Variants in DRD3 observed in about 807,000 individuals in gnomAD.
DRD3 encodes D(3) dopamine receptor.
In DRD3, 19 loss-of-function variants were observed where a neutral mutation model predicts 36.3. The ratio of observed to expected loss-of-function variants is 0.52; its 90% CI spans 0.36 to 0.77. The LOEUF (loss-of-function observed/expected upper bound fraction) is 0.77, where lower values mean the gene tolerates loss of function less well. DRD3 is among the 30% of genes least tolerant of loss of function. The probability of loss-of-function intolerance (pLI) is 0.00; values close to 1 mark genes in which losing one functional copy is unlikely to be tolerated. For missense variants in DRD3, 465 were observed against 505.3 expected (o/e 0.92, Z 0.77); for synonymous variants, 195 against 203.7 (o/e 0.96, Z 0.36).
chr3:114,171,817 G>T lies in DRD3; in HGVS notation c.176C>A (p.Ala59Asp). 6.2e-7 allele frequency: 1 copy of T among 1,614,074 alleles called. No homozygotes were observed. Among genetic ancestry groups the T allele is most frequent in the Non-Finnish European group, 8.5e-7 (1 of 1,179,962 alleles). ...TAAGTAGTTGGTGGTAGTCTGCAGG[G>T]CCCGCTCCTTCAGCACAGCCATGCA... ...LVCMAVLKER[A>D]LQTTTNYLVV... The change falls in exon 2 of 7, where the codon GCC becomes GAC. Residue 59 changes from alanine to aspartate, a missense_variant. Physicochemically the swap from Ala to Asp is moderately radical, Grantham distance 126 (BLOSUM62 -2). Transcript: ENST00000383673.
intron 6 of DRD3, 148 bp downstream of exon 6, chr3:114,130,970 G>T: frequency 9.0e-7 from 1 of 1,108,606 alleles, no homozygotes; most frequent in Non-Finnish European, 1.2e-6. Flanking sequence ...ACCAGAGTTA[G>T]CATTTATACA....
intron 4 of DRD3, 32 bp downstream of exon 4, chr3:114,147,383 A>AT (rs1257609219): frequency 7.5e-6 from 12 of 1,602,958 alleles, no homozygotes; most frequent in Non-Finnish European, 1.0e-5. Flanking sequence ...TGTGAATCAC[A>AT]TGGATGCTAG....
At chr3:114,154,626 C>T (rs2077648603) in intron 3 of DRD3, among the ~76,000 whole-genome samples, 1 of 152,160 alleles carries the variant, frequency 6.6e-6, no homozygotes, top group Non-Finnish European at 1.5e-5. Context: ...TATTTAGATG[C>T]AAACTAAAAA....
chr3:114,159,473 G>GA (rs562432757), intron 3 of DRD3, among the ~76,000 whole-genome samples: 220 of 147,940 alleles, frequency 1.5e-3, no homozygotes, highest in East Asian at 4.5e-3. Flanking sequence ...CTATTAGGAA[G>GA]AAAAAAAAAA....
intron 3 of DRD3, 127 bp downstream of exon 3, chr3:114,159,628 G>A: frequency 1.4e-6 from 1 of 698,522 alleles, no homozygotes; most frequent in East Asian, 2.7e-5. Flanking sequence ...AAAAGAAAAA[G>A]AGAGGAAAGA....
rs34500434 is a variant in DRD3 at position 114,164,220 on chromosome 3, CAAAAAAA to C, written c.271-4360_271-4354del. Among the ~76,000 whole-genome samples, 83 of 17,772 alleles carry C rather than the reference CAAAAAAA, an allele frequency of 4.7e-3. 4 individuals carry two copies. In the South Asian group the frequency reaches 0.091, roughly 19 times the overall value. 11.7% of individuals were successfully genotyped at this position (17,772 alleles called of 152,430 possible). On this transcript the variant is annotated intron_variant, in intron 2 of 6. Coordinates refer to ENST00000383673, the MANE Select transcript of DRD3 (RefSeq NM_000796.6). ...TGGGTGATAGAGCGAGCCTCAGTCTCAAAAAAAAAAAAAAAAAAAAAAAAAAAAAAAA... is the reference window on the plus strand; with the variant it reads ...TGGGTGATAGAGCGAGCCTCAGTCTCAAAAAAAAAAAAAAAAAAAAAAAAA...
rs2077396418 is a variant in DRD3, at chr3:114,128,440, TGA to T, written c.*274_*275del. ...TCATGCCTCTGATGACAATTTTGTG[TGA>T]GTCATGTTTTATCAGCTTCTTTCTG... On this transcript the variant is annotated 3_prime_UTR_variant, in exon 7 of 7. Coordinates refer to ENST00000383673, the MANE Select transcript of DRD3 (RefSeq NM_000796.6). Among the ~76,000 whole-genome samples, 1 of 152,190 alleles carries T rather than the reference TGA, an allele frequency of 6.6e-6. No individual in the cohort carries two copies. Among genetic ancestry groups the T allele is most frequent in the African/African-American group, 2.4e-5 (1 of 41,448 alleles).
At chr3:114,146,168 G>C (rs918965352) in intron 4 of DRD3, among the ~76,000 whole-genome samples, 2 of 152,126 alleles carry the variant, frequency 1.3e-5, no homozygotes, top group Admixed American at 1.3e-4. Context: ...GTTAGAATTT[G>C]CCTGTATTTA....
At chr3:114,195,833 C>A (rs960709162) in intron 1 of DRD3, among the ~76,000 whole-genome samples, 1 of 152,120 alleles carries the variant, frequency 6.6e-6, no homozygotes, top group African/African-American at 2.4e-5. Flanking sequence ...TTGGGGAGAT[C>A]CGGCTTGACA....
chr3:114,138,922 A>G (rs1385883), intron 5 of DRD3, among the ~76,000 whole-genome samples: 146,646 of 152,292 alleles, frequency 0.96, 70,860 homozygotes, highest in East Asian at 1. Context: ...TAAGTGCCAG[A>G]CAATGGGGTA....
intron 1 of DRD3, 150 bp from the exon 2 acceptor site, chr3:114,172,177 G>T: frequency 1.8e-6 from 1 of 554,612 alleles, no homozygotes; most frequent in Non-Finnish European, 2.8e-6. Flanking sequence ...ATAGAGCAAT[G>T]AACAAAACAG....
At chr3:114,161,567 A>G (rs2077733433) in intron 2 of DRD3, among the ~76,000 whole-genome samples, 1 of 152,224 alleles carries the variant, frequency 6.6e-6, no homozygotes, top group South Asian at 2.1e-4. Context: ...TTTGTTTAAA[A>G]GCAACAATGA....
At chr3:114,197,449 T>G (rs907851630) in intron 1 of DRD3, among the ~76,000 whole-genome samples, 1 of 152,006 alleles carries the variant, frequency 6.6e-6, no homozygotes, top group Non-Finnish European at 1.5e-5. Context: ...GCATAAGTAT[T>G]AAATTTTGAT....
chr3:114,169,247 T>C (rs985696009), intron 2 of DRD3, among the ~76,000 whole-genome samples: 1 of 151,328 alleles, frequency 6.6e-6, no homozygotes, highest in Non-Finnish European at 1.5e-5. Context: ...AGGAAAACAT[T>C]TGAGATTAAG....
intron 5 of DRD3, among the ~76,000 whole-genome samples, chr3:114,133,343 C>T (rs541742555): frequency 3.3e-5 from 5 of 152,052 alleles, no homozygotes; most frequent in South Asian, 2.1e-4. Context: ...TGAAATAATA[C>T]GGTGTTTAGT....
At chr3:114,188,560 C>T (rs2077988245) in intron 1 of DRD3, among the ~76,000 whole-genome samples, 1 of 152,176 alleles carries the variant, frequency 6.6e-6, no homozygotes, top group African/African-American at 2.4e-5. Context: ...GGCTGACTTG[C>T]CTCATGTTCA....
At chr3:114,164,807 A>C (rs553120870) in intron 2 of DRD3, among the ~76,000 whole-genome samples, 1 of 152,240 alleles carries the variant, frequency 6.6e-6, no homozygotes, top group South Asian at 2.1e-4. Context: ...GCTGGAGTGC[A>C]GTGGCACAAT....
chr3:114,164,220 C>CAAAAAGAAAA (rs2077760752), intron 2 of DRD3, among the ~76,000 whole-genome samples: 1 of 17,776 alleles, frequency 5.6e-5, no homozygotes, highest in African/African-American at 1.2e-4. Flanking sequence ...GCCTCAGTCT[C>CAAAAAGAAAA]AAAAAAAAAA....
intron 5 of DRD3, among the ~76,000 whole-genome samples, chr3:114,138,072 G>A (rs971939861): frequency 2.7e-5 from 4 of 149,936 alleles, no homozygotes; most frequent in African/African-American, 9.9e-5. Context: ...GGGAGGCAGA[G>A]GCACGAGAAT....
Sources: gnomAD v4.1 joint callset for allele counts (sites outside exome capture counted in the v4.1 genomes callset) on GRCh38, gnomAD v4.1.1 for gene constraint, MANE v1.5 for transcripts, NCBI Gene and HGNC (gene_info 2026-07-23, HGNC 2026-07-21) for gene names.